GRIA3: variants seen among roughly 807,000 people sequenced by gnomAD.
The protein encoded by GRIA3 is glutamate receptor 3.
In GRIA3, 3 loss-of-function variants were observed where a neutral mutation model predicts 63.0. The ratio of observed to expected loss-of-function variants is 0.05; its 90% confidence interval spans 0.02 to 0.12. The LOEUF (loss-of-function observed/expected upper bound fraction) is 0.12. Among genes scored for constraint, GRIA3 ranks in the 10% least tolerant of loss-of-function variants. The pLI is 1.00. For synonymous variants in GRIA3, 274 were observed against 257.9 expected (o/e 1.06, Z -0.60); for missense variants, 347 against 700.9 (o/e 0.50, Z 5.70).
intron 2 of GRIA3, among the ~76,000 whole-genome samples, chrX:123,216,919 C>G (rs1323555747): frequency 8.9e-6 from 1 of 111,857 alleles, no homozygotes; most frequent in Non-Finnish European, 1.9e-5. Flanking sequence ...GTTTAAAGGT[C>G]TGGTCTAGTC....
rs182808284 is a variant in GRIA3, at chrX:123,333,464, T to C, written c.696+7251T>C. ...ATTCAGAATACTATACTAGGCACTA[T>C]TGGGAGAAACAAAAGTTCTTTCTTT... is the stretch of plus-strand genomic sequence containing the variant. On this transcript the variant is annotated intron_variant, in intron 4 of 15. Coordinates refer to ENST00000620443, the MANE Select transcript of GRIA3 (RefSeq NM_007325.5). Among the ~76,000 whole-genome samples, 5 of 111,832 alleles carry C rather than the reference T, an allele frequency of 4.5e-5. No homozygotes were observed. The Admixed American group carries it at 4.7e-4, about 11-fold the overall frequency.
chrX:123,241,950 G>A (rs937246867), intron 2 of GRIA3, among the ~76,000 whole-genome samples: 3 of 111,458 alleles, frequency 2.7e-5, no homozygotes, highest in Admixed American at 9.5e-5. Flanking sequence ...GCACTGTTTT[G>A]AAGAGTAGTG....
chrX:123,243,280 A>T (rs2044340327), intron 2 of GRIA3, among the ~76,000 whole-genome samples: 1 of 112,327 alleles, frequency 8.9e-6, no homozygotes, highest in Non-Finnish European at 1.9e-5. Flanking sequence ...TGCTATACCC[A>T]TGATCAAAAT....
chrX:123,471,798 G>A (rs961198363), intron 13 of GRIA3, among the ~76,000 whole-genome samples: 1 of 105,423 alleles, frequency 9.5e-6, no homozygotes, highest in Non-Finnish European at 1.9e-5. Context: ...TTTCTTTTAC[G>A]AACAATTGAA....
intron 3 of GRIA3, among the ~76,000 whole-genome samples, chrX:123,259,166 T>C (rs1262447186): frequency 1.8e-5 from 2 of 112,043 alleles, no homozygotes; most frequent in African/African-American, 3.2e-5. Context: ...TGGGAAAATG[T>C]TGGAAGGTCC....
At chrX:123,435,015 A>G (rs771197275) in intron 12 of GRIA3, among the ~76,000 whole-genome samples, 3 of 112,573 alleles carry the variant, frequency 2.7e-5, no homozygotes, top group Non-Finnish European at 5.6e-5. Context: ...CATCTTATAA[A>G]CAAAATTAAA....
intron 10 of GRIA3, among the ~76,000 whole-genome samples, chrX:123,411,030 A>T (rs1310446408): frequency 8.9e-6 from 1 of 111,907 alleles, no homozygotes. Context: ...TTTTCTCCAG[A>T]TCTTAACAAT....
intron 3 of GRIA3, among the ~76,000 whole-genome samples, chrX:123,294,005 A>G (rs1035168742): frequency 9.1e-6 from 1 of 109,904 alleles, no homozygotes; most frequent in Non-Finnish European, 1.9e-5. Context: ...CTTTCTTTCA[A>G]GTCAATTTAA....
intron 10 of GRIA3, among the ~76,000 whole-genome samples, chrX:123,412,003 A>T (rs1032609741): frequency 9.0e-6 from 1 of 111,567 alleles, no homozygotes; most frequent in Non-Finnish European, 1.9e-5. Context: ...AACCCCATCC[A>T]TAATTCTTAC....
chrX:123,482,755 C>T (rs2045918150), intron 14 of GRIA3, 44 bp from the exon 15 acceptor site: 1 of 1,196,933 alleles, frequency 8.4e-7, no homozygotes, highest in Admixed American at 2.2e-5. Flanking sequence ...GTTCCATTGC[C>T]TTTGTTTTCC....
At chrX:123,200,610 C>CAT (rs1156259123) in intron 2 of GRIA3, among the ~76,000 whole-genome samples, 1 of 78,251 alleles carries the variant, frequency 1.3e-5, no homozygotes, top group East Asian at 5.9e-4. Flanking sequence ...CACATACATA[C>CAT]ACACACACAC....
intron 5 of GRIA3, among the ~76,000 whole-genome samples, chrX:123,366,725 G>A (rs2045212723): frequency 9.0e-6 from 1 of 111,724 alleles, no homozygotes; most frequent in Non-Finnish European, 1.9e-5. Flanking sequence ...GTTGCTAGCT[G>A]ACTCCAGTAT....
chrX:123,352,276 C>G (rs1024302301), intron 4 of GRIA3, among the ~76,000 whole-genome samples: 1 of 111,593 alleles, frequency 9.0e-6, no homozygotes, highest in African/African-American at 3.3e-5. Flanking sequence ...GATGGGGTTT[C>G]TCCATGTTGT....
intron 5 of GRIA3, among the ~76,000 whole-genome samples, chrX:123,357,731 G>A (rs1235196999): frequency 9.0e-6 from 1 of 111,049 alleles, no homozygotes; most frequent in Non-Finnish European, 1.9e-5. Flanking sequence ...AGAATTATGA[G>A]ACTTTGGGGG....
At chrX:123,285,298 T>C (rs1249246079) in intron 3 of GRIA3, among the ~76,000 whole-genome samples, 1 of 110,279 alleles carries the variant, frequency 9.1e-6, no homozygotes, top group African/African-American at 3.3e-5. Flanking sequence ...CGCAAAAACA[T>C]ATAAATTGTA....
intron 3 of GRIA3, among the ~76,000 whole-genome samples, chrX:123,279,991 C>T (rs953247948): frequency 8.0e-5 from 9 of 112,407 alleles, no homozygotes; most frequent in African/African-American, 2.9e-4. Flanking sequence ...GGGAAGCACT[C>T]TGTTAAACTA....
At chrX:123,211,018 C>A (rs891896583) in intron 2 of GRIA3, among the ~76,000 whole-genome samples, 3 of 111,437 alleles carry the variant, frequency 2.7e-5, no homozygotes, top group Non-Finnish European at 3.8e-5. Flanking sequence ...GGCATTATGA[C>A]CAACCGTGAG....
chrX:123,200,524 A>G (rs1436615539), intron 2 of GRIA3, among the ~76,000 whole-genome samples: 3 of 107,726 alleles, frequency 2.8e-5, no homozygotes, highest in Non-Finnish European at 5.7e-5. Context: ...TACCTTATGT[A>G]CATATATTTA....
chrX:123,462,508 A>T (rs2147429121), intron 12 of GRIA3, among the ~76,000 whole-genome samples: 1 of 111,979 alleles, frequency 8.9e-6, no homozygotes, highest in East Asian at 2.8e-4. Flanking sequence ...GGCTTCCATG[A>T]GGGTCTGATT....
Sources: gnomAD v4.1 joint callset for allele counts (sites outside exome capture counted in the v4.1 genomes callset) on GRCh38, gnomAD v4.1.1 for gene constraint, MANE v1.5 for transcripts, NCBI Gene and HGNC (gene_info 2026-07-23, HGNC 2026-07-21) for gene names.